The following RIMS2 variants were observed in gnomAD, a reference collection of about 807,000 sequenced individuals.
RIMS2 encodes regulating synaptic membrane exocytosis protein 2.
RIMS2 carries 59 observed loss-of-function variants against 174.4 expected under a neutral mutation model. The observed-to-expected ratio is 0.34, with a 90% CI of 0.27 to 0.42. RIMS2 has a LOEUF of 0.42. RIMS2 is among the 10% of genes least tolerant of loss of function. RIMS2 has a pLI of 1.00. For synonymous variants in RIMS2, 606 were observed against 572.5 expected, an observed-to-expected ratio of 1.06 and a Z score of -0.84; for missense variants, 1,620 against 1,666.3, an observed-to-expected ratio of 0.97 and a Z score of 0.48.
intron 2 of RIMS2, among the ~76,000 whole-genome samples, chr8:103,760,879 A>G: frequency 6.6e-6 from 1 of 152,362 alleles, no homozygotes; most frequent in East Asian, 1.9e-4. Context: ...TTGTATAAGT[A>G]AATAAATAAT....
At chr8:103,561,736 G>T (rs758138968) in intron 1 of RIMS2, among the ~76,000 whole-genome samples, 3 of 152,140 alleles carry the variant, frequency 2.0e-5, no homozygotes, top group African/African-American at 7.2e-5. Context: ...ATATGGGCAG[G>T]TATTTTTTCC....
At chr8:104,249,354 G>A in intron 21 of RIMS2, 133 bp from the exon 28 acceptor site, 1 of 543,466 alleles carries the variant, frequency 1.8e-6, no homozygotes, top group East Asian at 3.1e-5. Flanking sequence ...ATTATTGATA[G>A]AATTTTAAGT....
At chr8:104,034,006 GT>G (rs2096457397) in intron 19 of RIMS2, among the ~76,000 whole-genome samples, 1 of 152,042 alleles carries the variant, frequency 6.6e-6, no homozygotes, top group African/African-American at 2.4e-5. Flanking sequence ...TAATTTTTAT[GT>G]GCTGAAATCT....
At chr8:103,611,618 G>A (rs960375897) in intron 1 of RIMS2, among the ~76,000 whole-genome samples, 1 of 151,600 alleles carries the variant, frequency 6.6e-6, no homozygotes, top group Admixed American at 6.6e-5. Context: ...CTCTCTCCTG[G>A]CCTGTGAAAA....
chr8:104,136,674 A>G (rs528648222), intron 19 of RIMS2, among the ~76,000 whole-genome samples: 1 of 152,198 alleles, frequency 6.6e-6, no homozygotes, highest in African/African-American at 2.4e-5. Context: ...GGAGGCCATT[A>G]TCCTTAGCAA....
At chr8:103,952,136 T>C (rs919126721) in intron 14 of RIMS2, among the ~76,000 whole-genome samples, 1 of 152,150 alleles carries the variant, frequency 6.6e-6, no homozygotes, top group African/African-American at 2.4e-5. Flanking sequence ...TTCACCTCCC[T>C]GGGACAGAGC....
At chr8:103,565,315 T>C in intron 1 of RIMS2, among the ~76,000 whole-genome samples, 1 of 152,042 alleles carries the variant, frequency 6.6e-6, no homozygotes, top group East Asian at 1.9e-4. Flanking sequence ...TTAATGTTTT[T>C]TTTTTTGGAG....
chr8:104,148,019 T>C (rs936358509), intron 19 of RIMS2, among the ~76,000 whole-genome samples: 3 of 148,352 alleles, frequency 2.0e-5, no homozygotes, highest in African/African-American at 7.4e-5. Flanking sequence ...TTTATATCAG[T>C]AATGATTAAG....
At chr8:103,828,251 G>C (rs948374012) in intron 3 of RIMS2, among the ~76,000 whole-genome samples, 1 of 152,124 alleles carries the variant, frequency 6.6e-6, no homozygotes, top group African/African-American at 2.4e-5. Flanking sequence ...TGAACAGTTG[G>C]TATCAAGATT....
At chr8:103,610,980 T>A (rs946975596) in intron 1 of RIMS2, among the ~76,000 whole-genome samples, 1 of 152,192 alleles carries the variant, frequency 6.6e-6, no homozygotes, top group Non-Finnish European at 1.5e-5. Flanking sequence ...GTAGGATTTT[T>A]ATTACTGATT....
chr8:103,802,346 G>T (rs965556659), intron 3 of RIMS2, among the ~76,000 whole-genome samples: 8 of 152,186 alleles, frequency 5.3e-5, no homozygotes, highest in Non-Finnish European at 8.8e-5. Context: ...AAGTATATAT[G>T]TGAGTGTGCA....
At chr8:103,500,673 C>T (rs6468876), upstream of RIMS2, 2,290 of 488,744 alleles carry the variant, frequency 4.7e-3, 52 homozygotes, top group African/African-American at 0.041. Flanking sequence ...AGAAACATTT[C>T]CCGAAGCGCA....
chr8:103,522,166 T>C (rs1203974757), intron 1 of RIMS2, among the ~76,000 whole-genome samples: 1 of 152,148 alleles, frequency 6.6e-6, no homozygotes, highest in Non-Finnish European at 1.5e-5. Flanking sequence ...GTTGTTCAAT[T>C]GAATTTTGTT....
At chr8:103,651,968 T>G (rs1376118459) in intron 1 of RIMS2, among the ~76,000 whole-genome samples, 1 of 152,160 alleles carries the variant, frequency 6.6e-6, no homozygotes, top group Non-Finnish European at 1.5e-5. Flanking sequence ...CAGGACCAAA[T>G]CATTGCTTTA....
intron 1 of RIMS2, among the ~76,000 whole-genome samples, chr8:103,573,727 T>G (rs1341324889): frequency 1.3e-5 from 2 of 152,140 alleles, no homozygotes; most frequent in African/African-American, 4.8e-5. Context: ...ATTTTAGAAT[T>G]TTTTTAATTC....
At chr8:103,602,403 G>A (rs2094801894) in intron 1 of RIMS2, among the ~76,000 whole-genome samples, 1 of 151,886 alleles carries the variant, frequency 6.6e-6, no homozygotes. Flanking sequence ...CATCACCTAG[G>A]TAATAAGCAT....
rs190807571 is a variant in RIMS2 at position 104,208,602 on chromosome 8, C to T, written c.3335-36314C>T. Among the ~76,000 whole-genome samples the T allele has an allele frequency of 2.8e-4, 42 of 151,960 alleles. No individual in the cohort carries two copies. The East Asian group carries it at 7.8e-3, about 28-fold the overall frequency. ...GAAAAAAAAAAATGAAGAATACTTT[C>T]TGTAAAGGGTATCAGTATGACATAA... On this transcript the variant is annotated intron_variant, in intron 19 of 23. Coordinates refer to ENST00000504942, the Ensembl canonical transcript of RIMS2.
chr8:103,883,489 T>C lies in RIMS2; in HGVS notation c.699-1809T>C, dbSNP rs1390287373. Among the ~76,000 whole-genome samples the C allele has an allele frequency of 3.3e-5, 5 of 151,948 alleles. No homozygotes were observed. The East Asian group carries it at 9.7e-4, about 30-fold the overall frequency. On this transcript the variant is annotated intron_variant, in intron 3 of 23. Transcript: ENST00000504942. ...ATAAATTTTTTTGAATGTTTTGTTT[T>C]GATTGTAAATTTTAAACTGTAGGAA...
chr8:103,746,523 G>T (rs1043590224), intron 2 of RIMS2, among the ~76,000 whole-genome samples: 1 of 152,040 alleles, frequency 6.6e-6, no homozygotes, highest in African/African-American at 2.4e-5. Flanking sequence ...TGTCAGGGGG[G>T]TTCATTGTGC....
Sources: gnomAD v4.1 joint callset for allele counts (sites outside exome capture counted in the v4.1 genomes callset) on GRCh38, gnomAD v4.1.1 for gene constraint, MANE v1.5 for transcripts, NCBI Gene and HGNC (gene_info 2026-07-23, HGNC 2026-07-21) for gene names.